The following TXNL4A variants were observed in gnomAD, a reference collection of about 807,000 sequenced individuals.
TXNL4A encodes thioredoxin like 4A.
Under a neutral mutation model 14.6 loss-of-function variants are expected in TXNL4A, and 17 were observed. The observed-to-expected ratio is 1.16, with a 90% CI of 0.80 to 1.74. The LOEUF is 1.74. TXNL4A is among the 40% of genes most tolerant of loss of function. The pLI is 0.00. For synonymous variants in TXNL4A, 83 were observed against 70.6 expected (o/e 1.18, Z -0.88); for missense variants, 74 against 195.2 (o/e 0.38, Z 3.70).
rs922580506 is a variant in TXNL4A at position 80,006,873 on chromosome 18, C to T, written c.-61+26978G>A. On this transcript the variant is annotated intron_variant, in intron 1 of 2. Transcript: ENST00000585474. ...GCCATTTACATAGCACTGGAAGAAG[C>T]GGCCAACTCATCCTTTTATTATGCA... 5.3e-5 allele frequency among the ~76,000 whole-genome samples: 8 copies of T among 152,298 alleles called. 1 individual carries two copies. The highest frequency in any genetic ancestry group is 6.8e-3 in the Middle Eastern group (2 of 294).
chr18:79,981,794 A>G (rs1438194439), intron 1 of TXNL4A, among the ~76,000 whole-genome samples: 2 of 152,262 alleles, frequency 1.3e-5, no homozygotes, highest in Non-Finnish European at 2.9e-5. Context: ...GAATTCTAAC[A>G]GAGGCAAACT....
Position 79,971,686 on chromosome 18 carries a change from T to C in TXNL4A, c.*1999A>G, listed in dbSNP as rs928038552. ...TGTGTTACCACTTTGCCACCAGCAG[T>C]GTGTGAGGGCTCCAATTTCTCCACA... On this transcript the variant is annotated 3_prime_UTR_variant, in exon 3 of 3. Transcript: ENST00000269601. 3 of 152,224 alleles carry C rather than the reference T, an allele frequency of 2.0e-5. No homozygotes were observed. Among genetic ancestry groups the C allele is most frequent in the Non-Finnish European group, 4.4e-5 (3 of 68,048 alleles). The allele number at this position is 152,224 out of a possible 1,614,324, so 9.4% of individuals were successfully genotyped here.
intron 1 of TXNL4A, among the ~76,000 whole-genome samples, chr18:80,010,767 C>T (rs1333163339): frequency 6.6e-6 from 1 of 152,162 alleles, no homozygotes; most frequent in Non-Finnish European, 1.5e-5. Context: ...GTGCTAGTTC[C>T]CTTACTGGTT....
intron 1 of TXNL4A, among the ~76,000 whole-genome samples, chr18:79,983,444 C>T (rs955182151): frequency 6.6e-6 from 1 of 152,154 alleles, no homozygotes; most frequent in African/African-American, 2.4e-5. Context: ...CCTCTAAGTC[C>T]ACCTGCCAAG....
At position 79,988,418 on chromosome 18, in the gene TXNL4A, C is replaced by G. The variant is rs528967772; in HGVS notation, c.-26G>C. ...GGCGGCCCGCGCGCTCGCCGCCGCCCAAGGCGGGGCGCCAGGGAGGGCCCA... is the reference window on the plus strand; with the variant it reads ...GGCGGCCCGCGCGCTCGCCGCCGCCGAAGGCGGGGCGCCAGGGAGGGCCCA... On this transcript the variant is annotated 5_prime_UTR_variant, in exon 1 of 3. Transcript: ENST00000269601. The G allele has an allele frequency of 7.1e-7, 1 of 1,410,132 alleles. No homozygotes were observed. Among genetic ancestry groups the G allele is most frequent in the Admixed American group, 2.3e-5 (1 of 42,758 alleles). 87.4% of individuals were successfully genotyped at this position (1,410,132 alleles called of 1,614,324 possible). A position where few individuals can be genotyped will look rare whatever the true frequency, so the allele number is the denominator to read the frequency against.
At chr18:80,004,723 T>C (rs2051718696) in intron 1 of TXNL4A, among the ~76,000 whole-genome samples, 1 of 152,118 alleles carries the variant, frequency 6.6e-6, no homozygotes, top group African/African-American at 2.4e-5. Context: ...TGAGAACTCA[T>C]GAGAAAATCA....
rs564155776 is a variant in TXNL4A, at chr18:80,012,546, T to C, written c.-61+21305A>G. ...TCCCTGAAGGGATGGTTTTATGTTG[T>C]GGTTCATGAGAGTTTCAGCTAGATT... On this transcript the variant is annotated intron_variant, in intron 1 of 2. Coordinates refer to the TXNL4A transcript ENST00000585474. Among the ~76,000 whole-genome samples, 3 of 152,340 alleles carry C rather than the reference T, an allele frequency of 2.0e-5. No individual in the cohort carries two copies. In the East Asian group the frequency reaches 5.8e-4, roughly 29 times the overall value.
intron 1 of TXNL4A, among the ~76,000 whole-genome samples, chr18:80,028,924 T>C (rs57158377): frequency 0.064 from 9,702 of 152,188 alleles, 432 homozygotes; most frequent in African/African-American, 0.12. Context: ...TCACTCAAAA[T>C]TAGACACCAC....
At chr18:80,032,932 T>C (rs1200560020) in intron 1 of TXNL4A, among the ~76,000 whole-genome samples, 4 of 152,178 alleles carry the variant, frequency 2.6e-5, no homozygotes, top group African/African-American at 9.7e-5. Flanking sequence ...CCCTACCACA[T>C]TTTGTCTGCG....
At chr18:79,981,602 G>A (rs1168801147) in intron 1 of TXNL4A, among the ~76,000 whole-genome samples, 1 of 152,256 alleles carries the variant, frequency 6.6e-6, no homozygotes, top group Admixed American at 6.5e-5. Flanking sequence ...AACCCAGGAT[G>A]TGGAGATTGC....
upstream of TXNL4A, among the ~76,000 whole-genome samples, chr18:79,993,292 G>C (rs568462072): frequency 6.6e-6 from 1 of 150,840 alleles, no homozygotes; most frequent in Admixed American, 6.7e-5. The surrounding 1 kb of genome is among the most constrained non-coding windows in gnomAD (Gnocchi z 4.4). Flanking sequence ...GTGTTTTTCA[G>C]TTGGGGGTCA....
intron 1 of TXNL4A, among the ~76,000 whole-genome samples, chr18:80,031,533 T>C (rs375229336): frequency 2.2e-4 from 34 of 152,320 alleles, no homozygotes; most frequent in African/African-American, 7.7e-4. Flanking sequence ...ATTCCAATGG[T>C]ATGATCATTT....
upstream of TXNL4A, chr18:79,988,588 C>T (rs2051596016): frequency 6.3e-6 from 3 of 476,006 alleles, no homozygotes; most frequent in African/African-American, 2.0e-5. Context: ...CGACGCCGTG[C>T]GTGCTGACGG....
intron 1 of TXNL4A, among the ~76,000 whole-genome samples, chr18:80,006,664 G>GT (rs2051733400): frequency 6.6e-6 from 1 of 152,178 alleles, no homozygotes; most frequent in African/African-American, 2.4e-5. Flanking sequence ...AATTGAGGAC[G>GT]TAGACCCACA....
intron 2 of TXNL4A, among the ~76,000 whole-genome samples, chr18:79,974,444 A>C (rs2051348630): frequency 6.6e-6 from 1 of 152,230 alleles, no homozygotes; most frequent in Non-Finnish European, 1.5e-5. Flanking sequence ...ACTCATGTGC[A>C]CTTTACAAGA....
chr18:79,978,613 C>A (rs1486312577), intron 1 of TXNL4A, among the ~76,000 whole-genome samples: 2 of 150,868 alleles, frequency 1.3e-5, no homozygotes, highest in Admixed American at 1.3e-4. Flanking sequence ...CCCATCTCCG[C>A]CTCCCAAGCA....
rs940860973 is a variant in TXNL4A, at chr18:80,003,888, A to T, written c.-60-26187T>A. ...GCCAGACGCTTAACAAAACCATCAG[A>T]TCCCGTGAGACTCACTCACTATCAC... is the stretch of plus-strand genomic sequence containing the variant. On this transcript the variant is annotated intron_variant, in intron 1 of 2. Coordinates refer to the TXNL4A transcript ENST00000585474. 3.3e-5 allele frequency among the ~76,000 whole-genome samples: 5 copies of T among 152,228 alleles called. No individual in the cohort carries two copies. In the East Asian group the frequency reaches 5.8e-4, roughly 18 times the overall value.
chr18:80,005,948 C>G (rs191424682), intron 1 of TXNL4A, among the ~76,000 whole-genome samples: 2 of 151,800 alleles, frequency 1.3e-5, no homozygotes, highest in Admixed American at 6.6e-5. Context: ...GAAAAAATAT[C>G]TAGGAAGAAG....
At chr18:79,985,213 G>A (rs941165160) in intron 1 of TXNL4A, among the ~76,000 whole-genome samples, 1 of 152,180 alleles carries the variant, frequency 6.6e-6, no homozygotes, top group Admixed American at 6.5e-5. Context: ...GCTCGTACAT[G>A]AAATTGTCTC....
Sources: gnomAD v4.1 joint callset for allele counts (sites outside exome capture counted in the v4.1 genomes callset) on GRCh38, gnomAD v4.1.1 for gene constraint, Gnocchi (gnomAD v3.1) non-coding constraint, MANE v1.5 for transcripts, NCBI Gene and HGNC (gene_info 2026-07-23, HGNC 2026-07-21) for gene names.